Variants in CNTNAP5 observed in about 807,000 individuals in gnomAD.
The protein encoded by CNTNAP5 is contactin associated protein family member 5.
Under a neutral mutation model 150.2 loss-of-function variants are expected in CNTNAP5, and 72 were observed. That is an observed-to-expected ratio of 0.48 (90% CI 0.40 to 0.58). The LOEUF (loss-of-function observed/expected upper bound fraction) is 0.58, where lower values mean the gene tolerates loss of function less well. Among genes scored for constraint, CNTNAP5 ranks in the 20% least tolerant of loss-of-function variants. The pLI, the probability that CNTNAP5 is intolerant of heterozygous loss-of-function variation, is 0.00. For synonymous variants in CNTNAP5, 672 were observed against 619.8 expected, an observed-to-expected ratio of 1.08 and a Z score of -1.25; for missense variants, 1,636 against 1,626.2, an observed-to-expected ratio of 1.01 and a Z score of -0.10.
intron 3 of CNTNAP5, among the ~76,000 whole-genome samples, chr2:124,287,695 C>T (rs888114940): frequency 1.3e-5 from 2 of 152,126 alleles, no homozygotes; most frequent in African/African-American, 4.8e-5. Context: ...TCATAATTCT[C>T]ATCTAAGAGC....
chr2:124,808,122 G>A (rs1013040229), intron 19 of CNTNAP5, among the ~76,000 whole-genome samples: 9 of 152,184 alleles, frequency 5.9e-5, no homozygotes, highest in African/African-American at 2.2e-4. Flanking sequence ...CAACTGAAAT[G>A]CTGTAGTGGA....
At chr2:124,780,663 CT>C (rs574600633) in intron 17 of CNTNAP5, among the ~76,000 whole-genome samples, 2 of 152,284 alleles carry the variant, frequency 1.3e-5, no homozygotes, top group East Asian at 1.9e-4. Context: ...ATAAGACAGC[CT>C]TTTTTTGGGT....
chr2:124,517,186 T>G lies in CNTNAP5; in HGVS notation c.1328-7117T>G, dbSNP rs372502556. Among the ~76,000 whole-genome samples, 4 of 151,178 alleles carry G rather than the reference T, an allele frequency of 2.6e-5. No individual in the cohort carries two copies. In the East Asian group the frequency reaches 5.8e-4, roughly 22 times the overall value. Reference sequence around the variant, plus strand: ...GTATTGGTGATGGAGTGTTGTGGTGTTGGTGGTGGAGGGTTGTGGTGTTGG... The same window carrying G: ...GTATTGGTGATGGAGTGTTGTGGTGGTGGTGGTGGAGGGTTGTGGTGTTGG... On this transcript the variant is annotated intron_variant, in intron 8 of 23. Transcript: ENST00000682447.
chr2:124,064,349 G>A (rs945452766), intron 1 of CNTNAP5, among the ~76,000 whole-genome samples: 4 of 152,108 alleles, frequency 2.6e-5, no homozygotes, highest in Non-Finnish European at 4.4e-5. Context: ...GGCATGGTGA[G>A]AAAGGTTCAG....
At chr2:124,131,450 T>C (rs925307841) in intron 1 of CNTNAP5, among the ~76,000 whole-genome samples, 1 of 152,198 alleles carries the variant, frequency 6.6e-6, no homozygotes, top group Non-Finnish European at 1.5e-5. Flanking sequence ...GTTAAGTAAA[T>C]TGACCACATT....
At chr2:124,458,338 G>A (rs938295772) in intron 6 of CNTNAP5, among the ~76,000 whole-genome samples, 15 of 101,580 alleles carry the variant, frequency 1.5e-4, no homozygotes, top group Non-Finnish European at 2.7e-4. Flanking sequence ...CTACTCAACC[G>A]TAAAAAGGAA....
At chr2:124,086,581 T>G (rs1682697586) in intron 1 of CNTNAP5, among the ~76,000 whole-genome samples, 1 of 151,626 alleles carries the variant, frequency 6.6e-6, no homozygotes, top group African/African-American at 2.4e-5. Flanking sequence ...TCTCTCTGGT[T>G]CTGGTAATTT....
At chr2:124,406,594 T>C (rs1264994339) in intron 3 of CNTNAP5, among the ~76,000 whole-genome samples, 2 of 152,242 alleles carry the variant, frequency 1.3e-5, no homozygotes, top group Non-Finnish European at 1.5e-5. Context: ...TACATAGTTA[T>C]GGTGTGCATG....
In CNTNAP5 at chr2:124,471,828, G is replaced by T. The variant is rs532582876; in HGVS notation, c.919-2911G>T. 2.0e-5 allele frequency among the ~76,000 whole-genome samples: 3 copies of T among 152,110 alleles called. No individual in the cohort carries two copies. The South Asian group carries it at 6.2e-4, about 32-fold the overall frequency. The stretch of plus-strand genomic sequence containing the variant: ...CTGCATCTACTGAGATAATCATATG[G>T]TTTTTGTCTTTAGTTCTGTTTATCC... On this transcript the variant is annotated intron_variant, in intron 6 of 23. Coordinates refer to ENST00000682447, the MANE Select transcript of CNTNAP5 (RefSeq NM_001367498.1).
intron 3 of CNTNAP5, among the ~76,000 whole-genome samples, chr2:124,391,818 C>T (rs4517981): frequency 0.53 from 80,359 of 151,392 alleles, 22,662 homozygotes; most frequent in South Asian, 0.67. Flanking sequence ...TAGCCGGGCG[C>T]GGTGGCGGGC....
chr2:124,155,521 C>T (rs370417158), intron 1 of CNTNAP5, among the ~76,000 whole-genome samples: 13 of 151,838 alleles, frequency 8.6e-5, no homozygotes, highest in Non-Finnish European at 1.8e-4. Context: ...TTAAAGTAAA[C>T]CTGCTTTACT....
At chr2:124,467,064 G>A (rs755616322) in intron 6 of CNTNAP5, among the ~76,000 whole-genome samples, 5 of 152,108 alleles carry the variant, frequency 3.3e-5, no homozygotes, top group African/African-American at 7.2e-5. Context: ...AAAACAGGCC[G>A]TTGTAAAATA....
intron 3 of CNTNAP5, among the ~76,000 whole-genome samples, chr2:124,366,185 A>G (rs930534258): frequency 6.6e-6 from 1 of 152,140 alleles, no homozygotes; most frequent in Admixed American, 6.5e-5. Context: ...TCAGTCTCTT[A>G]ATGTAAAACC....
In CNTNAP5 at chr2:124,474,796, T is replaced by C. The variant is rs377080244; in HGVS notation, c.976T>C (p.Phe326Leu). Reference sequence around the variant, plus strand: ...ACCTGGGACCTTTTTAAAGAAAAACTTCCATGGATGCATCGAAAACCTTTA... The same window carrying C: ...ACCTGGGACCTTTTTAAAGAAAAACCTCCATGGATGCATCGAAAACCTTTA... ...GKPGTFLKKN[F>L]HGCIENLYYN... is the part of the protein sequence containing the mutation. Residue 326 changes from phenylalanine to leucine, a missense_variant, in exon 7 of 24, where the codon TTC becomes CTC. Physicochemically the swap from Phe to Leu is conservative, Grantham distance 22. Transcript: ENST00000682447. 2 of 1,603,252 alleles carry C rather than the reference T, an allele frequency of 1.2e-6. No homozygotes were observed. The highest frequency in any genetic ancestry group is 1.3e-5 in the African/African-American group (1 of 74,218).
intron 10 of CNTNAP5, among the ~76,000 whole-genome samples, chr2:124,550,313 T>C (rs1031424842): frequency 1.3e-5 from 2 of 152,174 alleles, no homozygotes; most frequent in African/African-American, 4.8e-5. Flanking sequence ...AGAACTTTGC[T>C]ATTCAGTGAG....
chr2:124,179,240 A>G (rs1417100279), intron 1 of CNTNAP5, among the ~76,000 whole-genome samples: 1 of 152,012 alleles, frequency 6.6e-6, no homozygotes, highest in Non-Finnish European at 1.5e-5. Flanking sequence ...GCTCCCTGCA[A>G]CTTCTGCCTC....
At chr2:124,898,858 G>T (rs564846953) in intron 21 of CNTNAP5, among the ~76,000 whole-genome samples, 2 of 151,320 alleles carry the variant, frequency 1.3e-5, no homozygotes, top group Non-Finnish European at 2.9e-5. Context: ...CACTCCCCCC[G>T]GCCTCCTCCT....
At chr2:124,092,679 C>T (rs1010927105) in intron 1 of CNTNAP5, among the ~76,000 whole-genome samples, 1 of 152,124 alleles carries the variant, frequency 6.6e-6, no homozygotes, top group Non-Finnish European at 1.5e-5. Flanking sequence ...AGTTATTTAC[C>T]TATTTAAATT....
intron 1 of CNTNAP5, among the ~76,000 whole-genome samples, chr2:124,174,382 A>G (rs913296648): frequency 2.0e-5 from 3 of 152,196 alleles, no homozygotes; most frequent in African/African-American, 7.2e-5. Flanking sequence ...GAGAGGATTC[A>G]CTATTCTAGA....
Sources: allele counts gnomAD v4.1 joint callset (sites outside exome capture counted in the v4.1 genomes callset), GRCh38; gene constraint gnomAD v4.1.1; transcripts MANE v1.5; gene names NCBI Gene and HGNC (gene_info 2026-07-23, HGNC 2026-07-21).